The following CWC27 variants were observed in gnomAD, a reference collection of about 807,000 sequenced individuals.
CWC27 encodes the protein CWC27 spliceosome associated cyclophilin.
Under a neutral mutation model 63.6 loss-of-function variants are expected in CWC27, and 47 were observed. The observed-to-expected ratio is 0.74, with a 90% CI of 0.58 to 0.94. CWC27 has a LOEUF of 0.94. CWC27 is among the 40% of genes least tolerant of loss of function. The probability of loss-of-function intolerance (pLI) is 0.00; values close to 1 mark genes in which losing one functional copy is unlikely to be tolerated. For synonymous variants in CWC27, 175 were observed against 179.8 expected (o/e 0.97, Z 0.22); for missense variants, 495 against 554.3 (o/e 0.89, Z 1.07).
chr5:64,808,651 CT>C (rs1263359663), intron 10 of CWC27: 1 of 152,140 alleles, frequency 6.6e-6, no homozygotes, highest in African/African-American at 2.4e-5. Flanking sequence ...AAACTAAGCT[CT>C]TTAGAGACTA....
chr5:64,933,349 G>GA (rs1202163184), intron 11 of CWC27, among the ~76,000 whole-genome samples: 1 of 151,964 alleles, frequency 6.6e-6, no homozygotes, highest in East Asian at 1.9e-4. Flanking sequence ...TTTTAGTTTT[G>GA]AAAAAAGTTT....
intron 11 of CWC27, among the ~76,000 whole-genome samples, chr5:64,893,501 A>T (rs913880234): frequency 7.2e-5 from 11 of 152,232 alleles, no homozygotes; most frequent in South Asian, 6.2e-4. Context: ...TTTAATGATT[A>T]TATTTTCAAA....
At chr5:64,810,727 A>G (rs1744852213) in intron 10 of CWC27, among the ~76,000 whole-genome samples, 1 of 152,158 alleles carries the variant, frequency 6.6e-6, no homozygotes, top group Admixed American at 6.5e-5. Flanking sequence ...AGATATTCTA[A>G]TATGCATTCA....
At chr5:64,890,673 A>G (rs1747212226) in intron 11 of CWC27, among the ~76,000 whole-genome samples, 1 of 152,014 alleles carries the variant, frequency 6.6e-6, no homozygotes, top group African/African-American at 2.4e-5. Flanking sequence ...GACTCATTGG[A>G]TGCATCTCAG....
At chr5:64,792,340 A>C (rs1744114470) in intron 7 of CWC27, among the ~76,000 whole-genome samples, 1 of 152,166 alleles carries the variant, frequency 6.6e-6, no homozygotes, top group Admixed American at 6.6e-5. Context: ...AAGGAAATGT[A>C]GGAAACACTG....
chr5:64,940,157 T>C (rs1388120204), intron 11 of CWC27, among the ~76,000 whole-genome samples: 1 of 152,136 alleles, frequency 6.6e-6, no homozygotes, highest in Non-Finnish European at 1.5e-5. Context: ...CAGGTGCCAC[T>C]GGGGTATGAA....
chr5:64,828,788 C>T (rs1745435170), intron 10 of CWC27, among the ~76,000 whole-genome samples: 1 of 151,994 alleles, frequency 6.6e-6, no homozygotes, highest in African/African-American at 2.4e-5. Flanking sequence ...CTGTACTATC[C>T]TCTGAAAGTT....
At chr5:64,783,624 G>A (rs1292490215) in intron 3 of CWC27, among the ~76,000 whole-genome samples, 4 of 152,190 alleles carry the variant, frequency 2.6e-5, no homozygotes, top group Admixed American at 2.6e-4. Context: ...CTACAAAATA[G>A]GGTATATTTC....
At chr5:64,876,749 G>A (rs1433617) in intron 10 of CWC27, among the ~76,000 whole-genome samples, 57,862 of 151,622 alleles carry the variant, frequency 0.38, 11,829 homozygotes, top group East Asian at 0.52. Flanking sequence ...GATATAACTA[G>A]AAGTTTTCCT....
intron 11 of CWC27, among the ~76,000 whole-genome samples, chr5:64,930,260 G>A (rs1034832398): frequency 6.6e-6 from 1 of 152,004 alleles, no homozygotes; most frequent in Admixed American, 6.5e-5. Context: ...TTTGCTAACA[G>A]GTAGTGTTTT....
rs762917044 is a variant in CWC27, at chr5:64,774,789, T to TAAATTATGA, written c.139+3_139+4insAATTATGAA. 1.8e-6 allele frequency: 2 copies of TAAATTATGA among 1,096,236 alleles called. No individual in the cohort carries two copies. The highest frequency in any genetic ancestry group is 2.5e-6 in the Non-Finnish European group (2 of 809,106). The allele number at this position is 1,096,236 out of a possible 1,614,324, so 67.9% of individuals were successfully genotyped here. A position where few individuals can be genotyped will look rare whatever the true frequency, so the allele number is the denominator to read the frequency against. ...ATTTTATCCAACTTTGTTTGGAAGG[T>TAAATTATGA]ATGTTGACTTTTATTCTACTGGAGA... On this transcript the variant is annotated splice_region_variant and intron_variant, in intron 2 of 13. Coordinates refer to ENST00000381070, the MANE Select transcript of CWC27 (RefSeq NM_005869.4).
intron 2 of CWC27, among the ~76,000 whole-genome samples, chr5:64,781,172 G>A (rs1037768): frequency 0.54 from 81,925 of 151,746 alleles, 22,653 homozygotes; most frequent in East Asian, 0.85. Context: ...GTATATTTAT[G>A]AGTTCTAAAT....
chr5:64,874,154 C>CTTT (rs748768571), intron 10 of CWC27, among the ~76,000 whole-genome samples: 25 of 48,798 alleles, frequency 5.1e-4, no homozygotes, highest in African/African-American at 1.7e-3. Flanking sequence ...ATTGTTGATG[C>CTTT]TTTTTTTTTT....
intron 11 of CWC27, among the ~76,000 whole-genome samples, chr5:64,938,286 G>T (rs1274769635): frequency 3.3e-5 from 5 of 152,140 alleles, no homozygotes; most frequent in Non-Finnish European, 7.4e-5. Flanking sequence ...AGGAGCTCTT[G>T]TAAGGCAGGC....
intron 2 of CWC27, among the ~76,000 whole-genome samples, chr5:64,778,502 T>G (rs912191013): frequency 3.3e-5 from 5 of 152,246 alleles, no homozygotes; most frequent in African/African-American, 1.2e-4. Flanking sequence ...TATTTTATAT[T>G]CAAATTTGAA....
intron 11 of CWC27, among the ~76,000 whole-genome samples, chr5:64,955,676 T>C (rs1748790633): frequency 6.6e-6 from 1 of 152,092 alleles, no homozygotes; most frequent in South Asian, 2.1e-4. Context: ...TTGTCAGAGA[T>C]GTCATTAATC....
chr5:64,931,606 C>G (rs113644650), intron 11 of CWC27, among the ~76,000 whole-genome samples: 3,277 of 151,870 alleles, frequency 0.022, 112 homozygotes, highest in African/African-American at 0.076. Flanking sequence ...ACAAATATAG[C>G]TTAAGTCCCC....
At chr5:64,906,480 G>C in intron 11 of CWC27, among the ~76,000 whole-genome samples, 1 of 152,194 alleles carries the variant, frequency 6.6e-6, no homozygotes, top group Middle Eastern at 3.2e-3. Flanking sequence ...TTTGAGAAGT[G>C]TCTGTTCATA....
intron 10 of CWC27, among the ~76,000 whole-genome samples, chr5:64,879,452 G>C (rs138456550): frequency 1.3e-3 from 196 of 152,050 alleles, no homozygotes; most frequent in African/African-American, 4.5e-3. Context: ...AGGTTGAGAA[G>C]CATCTAATTT....
Sources: gnomAD v4.1 joint callset for allele counts (sites outside exome capture counted in the v4.1 genomes callset) on GRCh38, gnomAD v4.1.1 for gene constraint, MANE v1.5 for transcripts, NCBI Gene and HGNC (gene_info 2026-07-23, HGNC 2026-07-21) for gene names.